LRP5: variants seen among roughly 807,000 people sequenced by gnomAD.
The protein encoded by LRP5 is LDL receptor related protein 5, also known as low-density lipoprotein receptor-related protein 5.
LRP5 carries 62 observed loss-of-function variants against 154.1 expected under a neutral mutation model. That is an observed-to-expected ratio of 0.40 (90% confidence interval 0.33 to 0.50). The LOEUF is 0.50. Ranked by LOEUF, LRP5 falls within the 20% of genes least tolerant of loss-of-function variation. LRP5 has a pLI of 0.55. For synonymous variants in LRP5, 966 were observed against 1,011.5 expected (o/e 0.96, Z 0.85); for missense variants, 1,915 against 2,336.7 (o/e 0.82, Z 3.72).
Position 68,423,340 on chromosome 11 carries a change from C to T in LRP5, c.3028-149C>T. On this transcript the variant is annotated intron_variant, in intron 13 of 22. Transcript: ENST00000294304. This position sits in a 1 kb window ranked among gnomAD's most constrained non-coding sequence, Gnocchi z 4.7. ...AGAAGTGTGGCCTCTGCTGTCCTGC[C>T]AGAGCTCTCCAGCCAGTGCCCAGGG... 1 of 764,628 alleles carries T rather than the reference C, an allele frequency of 1.3e-6. No individual in the cohort carries two copies. Among genetic ancestry groups the T allele is most frequent in the Non-Finnish European group, 2.3e-6 (1 of 425,890 alleles). 47.4% of individuals were successfully genotyped at this position (764,628 alleles called of 1,614,324 possible).
At chr11:68,351,654 G>T (rs2098618682) in intron 2 of LRP5, among the ~76,000 whole-genome samples, 1 of 152,206 alleles carries the variant, frequency 6.6e-6, no homozygotes, top group Non-Finnish European at 1.5e-5. Flanking sequence ...CACTGCATTT[G>T]TGAGCCCTTG....
intron 7 of LRP5, among the ~76,000 whole-genome samples, chr11:68,400,057 G>T (rs567486003): frequency 1.3e-5 from 2 of 152,258 alleles, no homozygotes; most frequent in African/African-American, 4.8e-5. Context: ...CACCATAGGG[G>T]TCTCTGTGGG....
chr11:68,410,400 C>T (rs546596430), intron 10 of LRP5, among the ~76,000 whole-genome samples: 8 of 152,248 alleles, frequency 5.3e-5, no homozygotes, highest in Admixed American at 4.6e-4. Flanking sequence ...GTCCATGGAG[C>T]CTGCGTAGGG....
At chr11:68,375,600 T>C (rs1450381502) in intron 5 of LRP5, among the ~76,000 whole-genome samples, 1 of 152,150 alleles carries the variant, frequency 6.6e-6, no homozygotes, top group Non-Finnish European at 1.5e-5. Context: ...GGCTCTGCTC[T>C]AGGGAGCTTC....
At chr11:68,320,714 C>T (rs187305403) in intron 1 of LRP5, among the ~76,000 whole-genome samples, 62 of 152,196 alleles carry the variant, frequency 4.1e-4, no homozygotes, top group African/African-American at 1.2e-3. Flanking sequence ...TACCCATCTC[C>T]GCCTCCCAAA....
intron 5 of LRP5, among the ~76,000 whole-genome samples, chr11:68,369,120 G>C (rs1301110703): frequency 6.6e-6 from 1 of 152,226 alleles, no homozygotes; most frequent in Non-Finnish European, 1.5e-5. Context: ...TCACAGGCAT[G>C]AGCCACTGTG....
At position 68,353,343 on chromosome 11, in the gene LRP5, G is replaced by A. The variant is rs549449559; in HGVS notation, c.489-4307G>A. On this transcript the variant is annotated intron_variant, in intron 2 of 22. Coordinates refer to ENST00000294304, the MANE Select transcript of LRP5 (RefSeq NM_002335.4). The surrounding 1 kb of genome is among the most constrained non-coding windows in gnomAD (Gnocchi z 4.5). ...GAGAGAGTGAAAACAGTGAGATGCCGGCTCCCACTCATCAGATCCAGTGAT... is the reference window on the plus strand; with the variant it reads ...GAGAGAGTGAAAACAGTGAGATGCCAGCTCCCACTCATCAGATCCAGTGAT... 1.4e-4 allele frequency among the ~76,000 whole-genome samples: 21 copies of A among 152,250 alleles called. No individual in the cohort carries two copies. The highest frequency in any genetic ancestry group is 8.3e-4 in the South Asian group (4 of 4,822).
intron 1 of LRP5, among the ~76,000 whole-genome samples, chr11:68,320,457 CTT>C (rs554377386): frequency 1.1e-4 from 16 of 139,542 alleles, no homozygotes; most frequent in Admixed American, 2.2e-4. Flanking sequence ...TCTTCTTCTT[CTT>C]TTTTTTTTTT....
intron 9 of LRP5, among the ~76,000 whole-genome samples, chr11:68,408,448 G>T (rs947092299): frequency 2.0e-5 from 3 of 151,578 alleles, no homozygotes; most frequent in Non-Finnish European, 4.4e-5. Context: ...AGGGTTCTTT[G>T]TAGAAAAAAA....
At chr11:68,441,401 C>T (rs2098678138) in intron 21 of LRP5, among the ~76,000 whole-genome samples, 2 of 152,190 alleles carry the variant, frequency 1.3e-5, no homozygotes, top group Non-Finnish European at 2.9e-5. Flanking sequence ...TCTTATGGCA[C>T]CTGACTGTGG....
rs529920733 is a variant in LRP5, at chr11:68,436,082, C to T, written c.4001-807C>T. 3.9e-5 allele frequency among the ~76,000 whole-genome samples: 6 copies of T among 152,332 alleles called. No homozygotes were observed. In the East Asian group the frequency reaches 9.7e-4, roughly 25 times the overall value. ...CAGACGTTGGAGCCATCTGAGCCCC[C>T]TCGTCCCGCTCTAGCTTCTCCTCCC... On this transcript the variant is annotated intron_variant, in intron 18 of 22. Transcript: ENST00000294304.
rs1430617893 is a variant in LRP5, at chr11:68,343,721, G to A, written c.92-4126G>A. On this transcript the variant is annotated intron_variant, in intron 1 of 22. Transcript: ENST00000294304. ...TCTCACACACAACTCTCTTCCCAGC[G>A]AAGGCCCCTCCTGCCCTCAGGCCTC... 2.6e-5 allele frequency among the ~76,000 whole-genome samples: 4 copies of A among 152,052 alleles called. No individual in the cohort carries two copies. The South Asian group carries it at 6.2e-4, about 24-fold the overall frequency.
intron 18 of LRP5, among the ~76,000 whole-genome samples, chr11:68,436,140 C>T (rs538568611): frequency 2.0e-5 from 3 of 152,238 alleles, no homozygotes; most frequent in Non-Finnish European, 4.4e-5. Flanking sequence ...CAGGCCCTTA[C>T]GCCGGTTCTG....
intron 1 of LRP5, among the ~76,000 whole-genome samples, chr11:68,324,035 AGGGACTCCTGACCTGCCATGCAG>A (rs1316289510): frequency 6.6e-6 from 1 of 152,246 alleles, no homozygotes; most frequent in Non-Finnish European, 1.5e-5. Flanking sequence ...GCGAGTGGTC[AGGGACTCCTGACCTGCCATGCAG>A]GGCCCCGTGG....
In LRP5 at chr11:68,389,948, C is replaced by T. The variant is rs1270099780; in HGVS notation, c.1480C>T (p.Arg494Trp). ...IECANLDGQERRVLVNASLGW... is the reference protein window; with the variant it reads ...IECANLDGQEWRVLVNASLGW... Reference sequence around the variant, plus strand: ...GTGTGCCAACTTGGATGGGCAGGAGCGGCGTGTGCTGGTCAATGCCTCCCT... The same window carrying T: ...GTGTGCCAACTTGGATGGGCAGGAGTGGCGTGTGCTGGTCAATGCCTCCCT... Residue 494 changes from arginine (R) to tryptophan (W), a missense_variant, in exon 7 of 23, where the codon CGG becomes TGG. By Grantham distance (101) the Arg-to-Trp change is moderately radical. Transcript: ENST00000294304. 6 of 1,614,080 alleles carry T rather than the reference C, an allele frequency of 3.7e-6. No homozygotes were observed. Among genetic ancestry groups the T allele is most frequent in the East Asian group, 2.2e-5 (1 of 44,900 alleles).
intron 1 of LRP5, among the ~76,000 whole-genome samples, chr11:68,339,145 A>G (rs2098607399): frequency 6.6e-6 from 1 of 151,736 alleles, no homozygotes; most frequent in Admixed American, 6.6e-5. Context: ...AAGTGTTGGC[A>G]TTACAGGTGT....
Position 68,341,059 on chromosome 11 carries a change from C to CCTTTTTT in LRP5, c.92-6788_92-6787insCTTTTTT, listed in dbSNP as rs1555071026. Among the ~76,000 whole-genome samples, 53 of 83,484 alleles carry CCTTTTTT rather than the reference C, an allele frequency of 6.3e-4. 1 individual carries two copies. Among genetic ancestry groups the CCTTTTTT allele is most frequent in the African/African-American group, 2.3e-3 (49 of 21,024 alleles). The allele number at this position is 83,484 out of a possible 152,430, so 54.8% of individuals were successfully genotyped here. ...GTTACCCCTGCCGCTGGAGATTGTT[C>CCTTTTTT]TTTTTTTTTTTTTTTTTTTGCTATT... On this transcript the variant is annotated intron_variant, in intron 1 of 22. Coordinates refer to ENST00000294304, the MANE Select transcript of LRP5 (RefSeq NM_002335.4).
At chr11:68,336,707 G>C (rs1191738071) in intron 1 of LRP5, among the ~76,000 whole-genome samples, 1 of 152,212 alleles carries the variant, frequency 6.6e-6, no homozygotes, top group African/African-American at 2.4e-5. Context: ...GACCTCAGGT[G>C]ATCTGCCTGC....
At chr11:68,443,982 C>T (rs539007417) in intron 21 of LRP5, among the ~76,000 whole-genome samples, 2 of 152,060 alleles carry the variant, frequency 1.3e-5, no homozygotes, top group East Asian at 3.9e-4. Context: ...TTAACGTCCT[C>T]CTCCTTTCGT....
Sources: allele counts gnomAD v4.1 joint callset (sites outside exome capture counted in the v4.1 genomes callset), GRCh38; gene constraint gnomAD v4.1.1; non-coding constraint Gnocchi (gnomAD v3.1); transcripts MANE v1.5; gene names NCBI Gene and HGNC (gene_info 2026-07-23, HGNC 2026-07-21).